DIAPH2: variants seen among roughly 807,000 people sequenced by gnomAD.
The protein encoded by DIAPH2 is diaphanous related formin 2.
A neutral mutation model predicts 92.7 loss-of-function variants in DIAPH2; 35 were observed. The observed-to-expected ratio is 0.38, with a 90% CI of 0.29 to 0.50. The LOEUF is 0.50. Among genes scored for constraint, DIAPH2 ranks in the 20% least tolerant of loss-of-function variants. The pLI, the probability that DIAPH2 is intolerant of heterozygous loss-of-function variation, is 0.94. For synonymous variants in DIAPH2, 301 were observed against 280.4 expected (o/e 1.07, Z -0.73); for missense variants, 701 against 819.5 (o/e 0.86, Z 1.77).
At chrX:96,785,475 C>CTTTTTTTTTTTTT (rs1157552270) in intron 4 of DIAPH2, among the ~76,000 whole-genome samples, 6 of 57,179 alleles carry the variant, frequency 1.0e-4, no homozygotes, top group South Asian at 9.5e-4. Flanking sequence ...CCAAACTTGC[C>CTTTTTTTTTTTTT]TTTTTTTTTT....
chrX:97,169,364 C>T (rs896719974), intron 22 of DIAPH2, among the ~76,000 whole-genome samples: 3 of 111,117 alleles, frequency 2.7e-5, no homozygotes, highest in Non-Finnish European at 3.8e-5. Context: ...GATGGTAAGG[C>T]GATGGAAAGT....
intron 5 of DIAPH2, among the ~76,000 whole-genome samples, chrX:96,903,081 T>A (rs2065409439): frequency 9.1e-6 from 1 of 109,662 alleles, no homozygotes; most frequent in Non-Finnish European, 1.9e-5. Flanking sequence ...ATTTCTGTTG[T>A]TCACTCATCA....
chrX:96,809,429 G>A (rs752436917), intron 4 of DIAPH2, among the ~76,000 whole-genome samples: 34 of 108,963 alleles, frequency 3.1e-4, no homozygotes, highest in African/African-American at 7.7e-4. Flanking sequence ...ATATAATGTT[G>A]TATAACAAAT....
chrX:96,970,227 T>G (rs1221139160), intron 17 of DIAPH2, among the ~76,000 whole-genome samples: 2 of 111,444 alleles, frequency 1.8e-5, no homozygotes, highest in Non-Finnish European at 3.8e-5. Context: ...TGATGCTGGC[T>G]TCATAGACTT....
chrX:97,257,473 C>T (rs753678784), intron 23 of DIAPH2, among the ~76,000 whole-genome samples: 30 of 111,263 alleles, frequency 2.7e-4, no homozygotes, highest in Admixed American at 8.6e-4. Context: ...TTTATCGTAT[C>T]GAAAGCAAAT....
intron 26 of DIAPH2, among the ~76,000 whole-genome samples, chrX:97,491,656 AAAG>A (rs1235540394): frequency 9.0e-6 from 1 of 111,583 alleles, no homozygotes; most frequent in African/African-American, 3.3e-5. Context: ...TGATCCACCC[AAAG>A]TGCTGGGATT....
At chrX:97,556,903 G>A (rs1438146530) in intron 26 of DIAPH2, among the ~76,000 whole-genome samples, 1 of 111,611 alleles carries the variant, frequency 9.0e-6, no homozygotes, top group African/African-American at 3.3e-5. Context: ...TAAATTATAT[G>A]TCTCAACAAA....
chrX:97,359,598 A>G (rs1230544907), intron 24 of DIAPH2, among the ~76,000 whole-genome samples: 1 of 78,041 alleles, frequency 1.3e-5, no homozygotes, highest in African/African-American at 5.6e-5. Flanking sequence ...TTTTTTTATG[A>G]TACAGAGTCT....
chrX:97,196,254 GTGTGTATAGTTT>G (rs1342998481), intron 22 of DIAPH2, among the ~76,000 whole-genome samples: 8 of 110,468 alleles, frequency 7.2e-5, no homozygotes, highest in African/African-American at 2.6e-4. Context: ...ATGCACATAC[GTGTGTATAGTTT>G]TGTTGTATTG....
At chrX:97,437,317 A>C in intron 26 of DIAPH2, among the ~76,000 whole-genome samples, 1 of 111,923 alleles carries the variant, frequency 8.9e-6, no homozygotes, top group Non-Finnish European at 1.9e-5. Flanking sequence ...ATATACAATT[A>C]AAATCTGGTT....
At chrX:97,549,341 A>C (rs1206378862) in intron 26 of DIAPH2, among the ~76,000 whole-genome samples, 2 of 111,909 alleles carry the variant, frequency 1.8e-5, no homozygotes, top group Non-Finnish European at 3.8e-5. Flanking sequence ...GCTTTAAAAA[A>C]ATTATATTGA....
At chrX:96,910,224 G>A (rs1174890457) in intron 5 of DIAPH2, among the ~76,000 whole-genome samples, 1 of 110,411 alleles carries the variant, frequency 9.1e-6, no homozygotes. Flanking sequence ...ACTGATTATC[G>A]AGGCTTTAGA....
chrX:97,108,331 A>T (rs2066956473), intron 20 of DIAPH2, among the ~76,000 whole-genome samples: 1 of 111,901 alleles, frequency 8.9e-6, no homozygotes, highest in African/African-American at 3.3e-5. Context: ...AAAACAAAGG[A>T]TGCCAGTCAA....
chrX:96,685,312 C>A, intron 1 of DIAPH2, 122 bp downstream of exon 1: 2 of 812,199 alleles, frequency 2.5e-6, no homozygotes, highest in Non-Finnish European at 3.2e-6. Flanking sequence ...CGCTGTGCAA[C>A]TCGGGGAGCC....
At chrX:97,526,960 C>T (rs2071028530) in intron 26 of DIAPH2, among the ~76,000 whole-genome samples, 1 of 111,479 alleles carries the variant, frequency 9.0e-6, no homozygotes, top group African/African-American at 3.3e-5. Flanking sequence ...ATTCTCTACC[C>T]AATTCTCAGC....
At chrX:97,487,150 T>C (rs1249753818) in intron 26 of DIAPH2, among the ~76,000 whole-genome samples, 2 of 112,478 alleles carry the variant, frequency 1.8e-5, no homozygotes, top group Non-Finnish European at 3.8e-5. Context: ...CCACATTTTC[T>C]CCATTTACTC....
chrX:97,287,394 G>A (rs902771018), intron 23 of DIAPH2, among the ~76,000 whole-genome samples: 1 of 111,335 alleles, frequency 9.0e-6, no homozygotes, highest in East Asian at 2.8e-4. Flanking sequence ...GCTGATACAC[G>A]TTTTTCTATC....
chrX:96,832,920 G>T (rs180819067), intron 4 of DIAPH2, among the ~76,000 whole-genome samples: 1 of 111,520 alleles, frequency 9.0e-6, no homozygotes, highest in Admixed American at 9.6e-5. Context: ...AGATATATAT[G>T]AATATTTGTG....
At chrX:97,556,200 C>T (rs955996995) in intron 26 of DIAPH2, among the ~76,000 whole-genome samples, 1 of 111,734 alleles carries the variant, frequency 8.9e-6, no homozygotes, top group Non-Finnish European at 1.9e-5. Context: ...GGGAGGTTAT[C>T]AAGGGACTCT....
Sources: allele counts gnomAD v4.1 joint callset (sites outside exome capture counted in the v4.1 genomes callset), GRCh38; gene constraint gnomAD v4.1.1; transcripts MANE v1.5; gene names NCBI Gene and HGNC (gene_info 2026-07-23, HGNC 2026-07-21).